The following SAMSN1 variants were observed in gnomAD, a reference collection of about 807,000 sequenced individuals.
SAMSN1 encodes the protein SAM domain, SH3 domain and nuclear localization signals 1.
Under a neutral mutation model 42.0 loss-of-function variants are expected in SAMSN1, and 31 were observed. The ratio of observed to expected loss-of-function variants is 0.74; its 90% CI spans 0.55 to 1.00. The LOEUF is 1.00. Ranked by LOEUF, SAMSN1 falls within the 50% of genes least tolerant of loss-of-function variation. The probability of loss-of-function intolerance (pLI) is 0.00; values close to 1 mark genes in which losing one functional copy is unlikely to be tolerated. For synonymous variants in SAMSN1, 178 were observed against 151.9 expected, an observed-to-expected ratio of 1.17 and a Z score of -1.26; for missense variants, 464 against 439.4, an observed-to-expected ratio of 1.06 and a Z score of -0.50.
At chr21:14,634,093 A>G (rs1052362005) in intron 2 of SAMSN1, among the ~76,000 whole-genome samples, 1 of 152,054 alleles carries the variant, frequency 6.6e-6, no homozygotes, top group Non-Finnish European at 1.5e-5. Flanking sequence ...CGGTGCTGGG[A>G]AAACTGGCTA....
At chr21:14,579,573 G>A (rs149674969) in intron 2 of SAMSN1, among the ~76,000 whole-genome samples, 52 of 151,790 alleles carry the variant, frequency 3.4e-4, no homozygotes, top group African/African-American at 1.3e-3. Context: ...CATTTATTTA[G>A]GCAACAAGTG....
upstream of SAMSN1, among the ~76,000 whole-genome samples, chr21:14,584,448 G>C (rs1380207156): frequency 6.6e-6 from 1 of 152,082 alleles, no homozygotes; most frequent in African/African-American, 2.4e-5. Flanking sequence ...AATGACTCTT[G>C]TTTTCTTTAA....
chr21:14,611,431 A>C (rs577139664), intron 4 of SAMSN1, among the ~76,000 whole-genome samples: 2 of 152,348 alleles, frequency 1.3e-5, no homozygotes, highest in African/African-American at 4.8e-5. Context: ...TGAATAATGC[A>C]ACCTATGCAT....
intron 7 of SAMSN1, among the ~76,000 whole-genome samples, chr21:14,492,757 G>C (rs969094397): frequency 6.6e-6 from 1 of 152,190 alleles, no homozygotes; most frequent in Non-Finnish European, 1.5e-5. Context: ...ATAAATGAAA[G>C]TTTGGAGGTA....
At chr21:14,609,376 A>T in intron 5 of SAMSN1, 1 of 685,264 alleles carries the variant, frequency 1.5e-6, no homozygotes, top group Non-Finnish European at 2.7e-6. Context: ...TAAGTAGACC[A>T]TAATGGTCTG....
At chr21:14,625,531 G>A (rs1437963780) in intron 2 of SAMSN1, among the ~76,000 whole-genome samples, 11 of 152,134 alleles carry the variant, frequency 7.2e-5, no homozygotes, top group Admixed American at 7.2e-4. Context: ...ATTCACAATT[G>A]CTTCAAAGAG....
chr21:14,609,348 T>C, intron 5 of SAMSN1: 1 of 627,470 alleles, frequency 1.6e-6, no homozygotes, highest in Non-Finnish European at 2.9e-6. Context: ...CTATTCTATC[T>C]TATTTGGTTT....
chr21:14,632,255 C>T (rs1426913033), intron 2 of SAMSN1, among the ~76,000 whole-genome samples: 7 of 151,968 alleles, frequency 4.6e-5, no homozygotes, highest in Admixed American at 4.6e-4. Flanking sequence ...TCGGTGTAAT[C>T]CCTGCAAACT....
chr21:14,534,343 C>CA (rs1979458951), intron 1 of SAMSN1, among the ~76,000 whole-genome samples: 1 of 152,106 alleles, frequency 6.6e-6, no homozygotes, highest in Admixed American at 6.6e-5. Context: ...GAATCCTCAA[C>CA]AAAAATCCCA....
chr21:14,593,968 T>C, intron 7 of SAMSN1: 1 of 713,578 alleles, frequency 1.4e-6, no homozygotes, highest in Non-Finnish European at 2.6e-6. Context: ...GGAAAAGAGA[T>C]GGGAAATCCA....
chr21:14,606,009 T>G (rs946649063), intron 5 of SAMSN1, among the ~76,000 whole-genome samples: 2 of 149,260 alleles, frequency 1.3e-5, no homozygotes, highest in African/African-American at 5.1e-5. Context: ...GCCCGGCTAA[T>G]TTTTTGTATT....
chr21:14,647,485 C>G (rs547198477), intron 1 of SAMSN1, among the ~76,000 whole-genome samples: 1 of 149,036 alleles, frequency 6.7e-6, no homozygotes, highest in African/African-American at 2.4e-5. Flanking sequence ...TTTTGGTTCC[C>G]TATGAACTTT....
chr21:14,584,864 AAT>A (rs1851431100), upstream of SAMSN1, among the ~76,000 whole-genome samples: 1 of 152,200 alleles, frequency 6.6e-6, no homozygotes, highest in South Asian at 2.1e-4. Flanking sequence ...AGCCCAAATA[AAT>A]GTTTGGAAGT....
chr21:14,639,300 T>G (rs933503096), intron 2 of SAMSN1, among the ~76,000 whole-genome samples: 1 of 152,170 alleles, frequency 6.6e-6, no homozygotes, highest in Non-Finnish European at 1.5e-5. Context: ...GGCTCACAGT[T>G]CTGGAAGCTG....
chr21:14,590,103 A>T (rs1982035748), intron 7 of SAMSN1, among the ~76,000 whole-genome samples: 1 of 152,106 alleles, frequency 6.6e-6, no homozygotes, highest in Non-Finnish European at 1.5e-5. Flanking sequence ...GGGCTTAGAA[A>T]TTTTTTAATG....
At chr21:14,532,169 T>C (rs559765942) in intron 1 of SAMSN1, among the ~76,000 whole-genome samples, 2 of 152,290 alleles carry the variant, frequency 1.3e-5, no homozygotes, top group African/African-American at 4.8e-5. Context: ...GCAAGGTCAC[T>C]CTTCTGTTTC....
At chr21:14,507,759 A>G (rs563052006) in intron 5 of SAMSN1, among the ~76,000 whole-genome samples, 2 of 152,298 alleles carry the variant, frequency 1.3e-5, no homozygotes, top group South Asian at 2.1e-4. Context: ...TTGAGCAAAA[A>G]GAACAAATCT....
chr21:14,500,674 T>C lies in SAMSN1; in HGVS notation c.623A>G (p.Asn208Ser), dbSNP rs759355843. The C allele has an allele frequency of 6.2e-7, 1 of 1,614,182 alleles. No homozygotes were observed. The highest frequency in any genetic ancestry group is 8.5e-7 in the Non-Finnish European group (1 of 1,179,992). Residue 208 changes from asparagine to serine, a missense_variant, in exon 6 of 8, where the codon AAC becomes AGC. Physicochemically the swap from Asn to Ser is conservative, Grantham distance 46. Coordinates refer to ENST00000400566, the MANE Select transcript of SAMSN1 (RefSeq NM_022136.5). ...GAATTTGAAGTTTCCCACTTTATTG[T>C]TCAACATTCCTGTCCACATCCCCAT... Reference protein sequence around the residue: ...TPMGMWTGMLNNKVGNFKFIY... With the variant: ...TPMGMWTGMLSNKVGNFKFIY...
intron 2 of SAMSN1, among the ~76,000 whole-genome samples, chr21:14,634,477 AT>A (rs928100827): frequency 1.3e-4 from 20 of 152,186 alleles, no homozygotes; most frequent in African/African-American, 4.3e-4. Flanking sequence ...AGAAAAAAAA[AT>A]AAACAGCCCC....
Sources: gnomAD v4.1 joint callset for allele counts (sites outside exome capture counted in the v4.1 genomes callset) on GRCh38, gnomAD v4.1.1 for gene constraint, MANE v1.5 for transcripts, NCBI Gene and HGNC (gene_info 2026-07-23, HGNC 2026-07-21) for gene names.